The following DPP10 variants were observed in gnomAD, a reference collection of about 807,000 sequenced individuals.
The protein encoded by DPP10 is inactive dipeptidyl peptidase 10.
DPP10 carries 33 observed loss-of-function variants against 120.9 expected under a neutral mutation model. That is an observed-to-expected ratio of 0.27 (90% CI 0.21 to 0.37). The LOEUF is 0.37. Ranked by LOEUF, DPP10 falls within the 10% of genes least tolerant of loss-of-function variation. The probability of loss-of-function intolerance (pLI) is 1.00; values close to 1 mark genes in which losing one functional copy is unlikely to be tolerated. For synonymous variants in DPP10, 337 were observed against 326.1 expected, an observed-to-expected ratio of 1.03 and a Z score of -0.36; for missense variants, 816 against 942.8, an observed-to-expected ratio of 0.87 and a Z score of 1.76.
At chr2:115,344,481 C>T (rs1376295393) in intron 3 of DPP10, among the ~76,000 whole-genome samples, 2 of 151,874 alleles carry the variant, frequency 1.3e-5, no homozygotes, top group African/African-American at 4.8e-5. Flanking sequence ...TTCTCTGTGG[C>T]TTTTCTTTTT....
intron 1 of DPP10, among the ~76,000 whole-genome samples, chr2:114,496,477 G>A (rs985644597): frequency 6.6e-6 from 1 of 152,118 alleles, no homozygotes; most frequent in African/African-American, 2.4e-5. Context: ...GTCTGGTGAA[G>A]ATCTGACTCC....
chr2:115,832,788 G>A (rs1039824709), intron 21 of DPP10, among the ~76,000 whole-genome samples: 15 of 152,020 alleles, frequency 9.9e-5, no homozygotes, highest in Admixed American at 5.2e-4. Context: ...AATGTGGGTC[G>A]GGGAGAGCAC....
intron 19 of DPP10, among the ~76,000 whole-genome samples, chr2:115,801,765 G>A (rs1289252040): frequency 6.6e-6 from 1 of 152,144 alleles, no homozygotes; most frequent in Non-Finnish European, 1.5e-5. Context: ...AACCAGCCTT[G>A]CATCCCAGGG....
intron 5 of DPP10, among the ~76,000 whole-genome samples, chr2:115,680,182 T>G (rs1002751658): frequency 6.6e-6 from 1 of 151,954 alleles, no homozygotes; most frequent in Non-Finnish European, 1.5e-5. Context: ...TAAAGATCTC[T>G]AAGTAAAAAG....
chr2:114,763,805 G>A (rs1680481950), intron 1 of DPP10, among the ~76,000 whole-genome samples: 1 of 152,198 alleles, frequency 6.6e-6, no homozygotes, highest in South Asian at 2.1e-4. Flanking sequence ...TAGGCTGATA[G>A]ATTTTCAGTC....
intron 1 of DPP10, among the ~76,000 whole-genome samples, chr2:114,762,809 G>A (rs1680395715): frequency 6.6e-6 from 1 of 152,226 alleles, no homozygotes; most frequent in Non-Finnish European, 1.5e-5. Flanking sequence ...TGAAAAGGCT[G>A]TGAAATGTAT....
chr2:115,730,141 G>A (rs2149650519), intron 8 of DPP10, among the ~76,000 whole-genome samples: 1 of 152,296 alleles, frequency 6.6e-6, no homozygotes, highest in African/African-American at 2.4e-5. Flanking sequence ...TGTGACAGCA[G>A]GAACCTGGGG....
chr2:114,977,149 T>C (rs1453365578), intron 1 of DPP10, among the ~76,000 whole-genome samples: 1 of 152,224 alleles, frequency 6.6e-6, no homozygotes, highest in African/African-American at 2.4e-5. Context: ...TTCTCTTTTA[T>C]TGAATTCATG....
At chr2:115,092,830 T>G (rs776270811) in intron 1 of DPP10, among the ~76,000 whole-genome samples, 2 of 152,180 alleles carry the variant, frequency 1.3e-5, no homozygotes, top group Non-Finnish European at 2.9e-5. Context: ...TAACTCATAA[T>G]GTGCTATGTT....
At chr2:115,422,833 TG>T (rs1023053541) in intron 3 of DPP10, among the ~76,000 whole-genome samples, 1 of 152,092 alleles carries the variant, frequency 6.6e-6, no homozygotes, top group African/African-American at 2.4e-5. Flanking sequence ...TTTACACATA[TG>T]GAAAACTTTT....
At chr2:115,288,593 G>A (rs2060503329) in intron 1 of DPP10, among the ~76,000 whole-genome samples, 1 of 151,594 alleles carries the variant, frequency 6.6e-6, no homozygotes, top group Non-Finnish European at 1.5e-5. Flanking sequence ...TGGTTGGGGG[G>A]GAGCCTGTAA....
intron 5 of DPP10, among the ~76,000 whole-genome samples, chr2:115,652,027 ATT>A (rs2087828719): frequency 6.6e-6 from 1 of 152,074 alleles, no homozygotes; most frequent in African/African-American, 2.4e-5. Context: ...AGACTCTATA[ATT>A]GACCTTATCT....
At chr2:114,662,226 G>A (rs1016311927) in intron 1 of DPP10, among the ~76,000 whole-genome samples, 2 of 152,156 alleles carry the variant, frequency 1.3e-5, no homozygotes, top group Admixed American at 6.5e-5. Flanking sequence ...GTGTCCTGAG[G>A]GGGGAGACTG....
At chr2:115,210,423 T>A (rs1367109505) in intron 1 of DPP10, among the ~76,000 whole-genome samples, 1 of 152,160 alleles carries the variant, frequency 6.6e-6, no homozygotes, top group Non-Finnish European at 1.5e-5. Flanking sequence ...TCTATCATTG[T>A]TGGACATTTG....
chr2:115,403,698 C>G (rs997614334), intron 3 of DPP10, among the ~76,000 whole-genome samples: 1 of 152,126 alleles, frequency 6.6e-6, no homozygotes, highest in Non-Finnish European at 1.5e-5. Context: ...GCCACCGTGC[C>G]TGGCCACACC....
intron 9 of DPP10, among the ~76,000 whole-genome samples, chr2:115,742,740 T>A (rs1677445076): frequency 6.6e-6 from 1 of 152,136 alleles, no homozygotes. Context: ...TTCACTCTTA[T>A]GTGATAAACT....
At chr2:115,156,278 T>C (rs2051905298) in intron 1 of DPP10, among the ~76,000 whole-genome samples, 3 of 152,166 alleles carry the variant, frequency 2.0e-5, no homozygotes, top group Admixed American at 1.3e-4. Context: ...CAAGTTTCCT[T>C]TGGCAATAGT....
At chr2:115,574,582 C>T (rs2081539191) in intron 5 of DPP10, among the ~76,000 whole-genome samples, 1 of 152,214 alleles carries the variant, frequency 6.6e-6, no homozygotes, top group South Asian at 2.1e-4. Flanking sequence ...GGACCCTCCT[C>T]TGTGCTTCCA....
At chr2:115,337,082 C>G (rs59372800) in intron 2 of DPP10, among the ~76,000 whole-genome samples, 194 of 147,510 alleles carry the variant, frequency 1.3e-3, no homozygotes, top group African/African-American at 4.7e-3. Context: ...TTGCCTGTAA[C>G]AATGAGCAGA....
Sources: gnomAD v4.1 joint callset for allele counts (sites outside exome capture counted in the v4.1 genomes callset) on GRCh38, gnomAD v4.1.1 for gene constraint, MANE v1.5 for transcripts, NCBI Gene and HGNC (gene_info 2026-07-23, HGNC 2026-07-21) for gene names.